Variants in SLC35F1 observed in about 807,000 individuals in gnomAD.
SLC35F1 encodes chromosome 6 open reading frame 169.
A neutral mutation model predicts 48.7 loss-of-function variants in SLC35F1; 14 were observed. The ratio of observed to expected loss-of-function variants is 0.29; its 90% CI spans 0.19 to 0.45. The LOEUF (loss-of-function observed/expected upper bound fraction) is 0.45, where lower values mean the gene tolerates loss of function less well. SLC35F1 is among the 20% of genes least tolerant of loss of function. SLC35F1 has a pLI of 1.00. For missense variants in SLC35F1, 404 were observed against 500.0 expected, an observed-to-expected ratio of 0.81 and a Z score of 1.83; for synonymous variants, 190 against 202.2, an observed-to-expected ratio of 0.94 and a Z score of 0.51.
At chr6:117,949,009 A>G (rs574772967) in intron 1 of SLC35F1, among the ~76,000 whole-genome samples, 18 of 152,296 alleles carry the variant, frequency 1.2e-4, no homozygotes, top group African/African-American at 4.3e-4. Context: ...GAGCTGGATC[A>G]TGAAGGCCAT....
At chr6:118,263,179 C>T (rs1290361453) in intron 3 of SLC35F1, among the ~76,000 whole-genome samples, 1 of 152,282 alleles carries the variant, frequency 6.6e-6, no homozygotes, top group South Asian at 2.1e-4. Flanking sequence ...GCCTCGGCCT[C>T]CCAAGTAGCT....
rs1448359809 is a variant in SLC35F1, at chr6:118,161,627, G to A, written c.349+7007G>A. On this transcript the variant is annotated intron_variant, in intron 2 of 7. Coordinates refer to ENST00000360388, the MANE Select transcript of SLC35F1 (RefSeq NM_001029858.4). ...AATCTCCACCCCTATTTCTTGTCAG[G>A]TTGCATTTATTTTTACTTCCTAAGT... Among the ~76,000 whole-genome samples the A allele has an allele frequency of 2.6e-5, 4 of 152,220 alleles. No homozygotes were observed. The South Asian group carries it at 6.2e-4, about 24-fold the overall frequency.
At chr6:117,922,950 T>G (rs1775918936) in intron 1 of SLC35F1, among the ~76,000 whole-genome samples, 1 of 152,168 alleles carries the variant, frequency 6.6e-6, no homozygotes, top group Non-Finnish European at 1.5e-5. Context: ...CACATAAGCA[T>G]GGAGAGCTTA....
chr6:118,000,133 A>T (rs1016605888), intron 1 of SLC35F1, among the ~76,000 whole-genome samples: 7 of 152,114 alleles, frequency 4.6e-5, no homozygotes, highest in Non-Finnish European at 1.0e-4. Flanking sequence ...AAAGCCTGGC[A>T]GAGATACAAC....
At chr6:118,058,228 A>G (rs1209197519) in intron 1 of SLC35F1, among the ~76,000 whole-genome samples, 3 of 152,300 alleles carry the variant, frequency 2.0e-5, no homozygotes, top group Admixed American at 2.0e-4. Context: ...CGACTATGGT[A>G]AAAATATCTA....
chr6:117,977,201 C>CTT (rs35727493), intron 1 of SLC35F1, among the ~76,000 whole-genome samples: 126 of 143,412 alleles, frequency 8.8e-4, no homozygotes, highest in Middle Eastern at 7.2e-3. Flanking sequence ...TTCTTTCTTT[C>CTT]TTTTTTTTTT....
At chr6:118,101,534 T>C (rs1405206384) in intron 1 of SLC35F1, among the ~76,000 whole-genome samples, 1 of 152,144 alleles carries the variant, frequency 6.6e-6, no homozygotes, top group Non-Finnish European at 1.5e-5. Flanking sequence ...TACTTGCAAA[T>C]AATAGGGATG....
At chr6:117,945,712 A>G (rs149365847) in intron 1 of SLC35F1, among the ~76,000 whole-genome samples, 70 of 152,308 alleles carry the variant, frequency 4.6e-4, no homozygotes, top group African/African-American at 1.6e-3. Flanking sequence ...CACTGATGCC[A>G]TGCTTCCTGG....
intron 1 of SLC35F1, among the ~76,000 whole-genome samples, chr6:118,073,842 T>C (rs1440216798): frequency 1.3e-5 from 2 of 152,232 alleles, no homozygotes; most frequent in Non-Finnish European, 2.9e-5. Context: ...ATTAGTCTTT[T>C]ATTTGTTAAA....
chr6:117,999,388 A>T (rs940333858), intron 1 of SLC35F1: 7 of 1,584,382 alleles, frequency 4.4e-6, no homozygotes, highest in Non-Finnish European at 4.3e-6. Flanking sequence ...CTGCAGCTCC[A>T]GCTTCAGTTC....
chr6:117,923,786 T>TATAC (rs1554216784), intron 1 of SLC35F1, among the ~76,000 whole-genome samples: 1 of 36,144 alleles, frequency 2.8e-5, no homozygotes, highest in Non-Finnish European at 6.5e-5. Context: ...TATATATACA[T>TATAC]ATATGTACAT....
At chr6:118,094,571 C>T (rs1171629745) in intron 1 of SLC35F1, among the ~76,000 whole-genome samples, 1 of 152,058 alleles carries the variant, frequency 6.6e-6, no homozygotes, top group Non-Finnish European at 1.5e-5. Context: ...CTTCCACTTA[C>T]AGAGAATGCA....
At chr6:118,164,084 T>C (rs1298195941) in intron 2 of SLC35F1, among the ~76,000 whole-genome samples, 1 of 152,236 alleles carries the variant, frequency 6.6e-6, no homozygotes, top group Non-Finnish European at 1.5e-5. Flanking sequence ...TGGTTTCCCT[T>C]TCTAAGATTT....
chr6:118,071,357 G>T (rs774284026), intron 1 of SLC35F1, among the ~76,000 whole-genome samples: 10 of 150,388 alleles, frequency 6.6e-5, no homozygotes, highest in Non-Finnish European at 1.0e-4. Flanking sequence ...TTTGTTTCTT[G>T]CCCTGTTTTT....
chr6:117,989,109 A>G (rs1001152415), intron 1 of SLC35F1, among the ~76,000 whole-genome samples: 1 of 152,180 alleles, frequency 6.6e-6, no homozygotes, highest in Non-Finnish European at 1.5e-5. Flanking sequence ...GTGACTTCTC[A>G]TAGGTCACCT....
chr6:118,309,516 C>A (rs917891952), intron 7 of SLC35F1, among the ~76,000 whole-genome samples: 1 of 152,130 alleles, frequency 6.6e-6, no homozygotes, highest in Admixed American at 6.5e-5. Flanking sequence ...TAGGGATCAC[C>A]CATGTTCTCC....
intron 3 of SLC35F1, among the ~76,000 whole-genome samples, chr6:118,257,397 A>G (rs1775659454): frequency 6.6e-6 from 1 of 152,184 alleles, no homozygotes; most frequent in Non-Finnish European, 1.5e-5. Flanking sequence ...AGACCTGAAG[A>G]CCATTTCCCC....
At chr6:118,054,213 A>C (rs935469092) in intron 1 of SLC35F1, among the ~76,000 whole-genome samples, 1 of 152,188 alleles carries the variant, frequency 6.6e-6, no homozygotes, top group Non-Finnish European at 1.5e-5. Context: ...GTTAGCAATG[A>C]GCAAGGCTTT....
chr6:118,120,305 T>C (rs942692349), intron 1 of SLC35F1, among the ~76,000 whole-genome samples: 4 of 152,174 alleles, frequency 2.6e-5, no homozygotes, highest in South Asian at 2.1e-4. Context: ...ATGAATACCA[T>C]GTCCTTAAGG....
Sources: gnomAD v4.1 joint callset for allele counts (sites outside exome capture counted in the v4.1 genomes callset) on GRCh38, gnomAD v4.1.1 for gene constraint, MANE v1.5 for transcripts, NCBI Gene and HGNC (gene_info 2026-07-23, HGNC 2026-07-21) for gene names.